Variants in DTNA observed in about 807,000 individuals in gnomAD.
DTNA encodes dystrophin-related protein 3.
DTNA carries 43 observed loss-of-function variants against 100.7 expected under a neutral mutation model. The ratio of observed to expected loss-of-function variants is 0.43; its 90% confidence interval spans 0.33 to 0.55. The LOEUF (loss-of-function observed/expected upper bound fraction) is 0.55, where lower values mean the gene tolerates loss of function less well. DTNA is among the 20% of genes least tolerant of loss of function. DTNA has a pLI of 0.04. For missense variants in DTNA, 798 were observed against 953.9 expected (o/e 0.84, Z 2.15); for synonymous variants, 349 against 347.9 (o/e 1.00, Z -0.04).
chr18:34,859,838 A>G (rs1011841615), intron 16 of DTNA, among the ~76,000 whole-genome samples: 1 of 151,916 alleles, frequency 6.6e-6, no homozygotes, highest in Non-Finnish European at 1.5e-5. Context: ...TTCTCCTACT[A>G]CTCCCACGCT....
chr18:34,829,290 T>G, intron 10 of DTNA, 110 bp from the exon 11 acceptor site: 1 of 1,521,118 alleles, frequency 6.6e-7, no homozygotes, highest in East Asian at 2.5e-5. Flanking sequence ...GTTTCTGTTT[T>G]GAGGGTGCTG....
At chr18:34,870,755 T>C (rs2096757453) in intron 17 of DTNA, among the ~76,000 whole-genome samples, 3 of 151,974 alleles carry the variant, frequency 2.0e-5, no homozygotes, top group Admixed American at 6.6e-5. Context: ...ACAATACGTG[T>C]CACATTTCCC....
Position 34,875,143 on chromosome 18 carries a change from T to C in DTNA, c.1744-96T>C, listed in dbSNP as rs1395393305. 71 of 1,535,714 alleles carry C rather than the reference T, an allele frequency of 4.6e-5. No individual in the cohort carries two copies. The Admixed American group carries it at 1.3e-3, about 28-fold the overall frequency. On this transcript the variant is annotated intron_variant, in intron 17 of 22. Transcript: ENST00000444659. ...TAGGATTTCCTCCTGCTTTGAAATT[T>C]CATTGTCACTGTTTTCAACAATCAA...
At chr18:34,614,871 G>A (rs1176390801) in intron 1 of DTNA, among the ~76,000 whole-genome samples, 1 of 152,220 alleles carries the variant, frequency 6.6e-6, no homozygotes, top group Non-Finnish European at 1.5e-5. Flanking sequence ...GACAGGGTTT[G>A]AGAGGATTCG....
chr18:34,841,817 G>C (rs1023052295), intron 13 of DTNA, among the ~76,000 whole-genome samples: 4 of 152,030 alleles, frequency 2.6e-5, no homozygotes, highest in Admixed American at 2.6e-4. Flanking sequence ...CCATTATTCA[G>C]ACCTAATCCT....
chr18:34,877,673 A>G (rs1343694334), intron 18 of DTNA, 46 bp from the exon 19 acceptor site: 2 of 1,547,162 alleles, frequency 1.3e-6, no homozygotes, highest in African/African-American at 1.4e-5. Context: ...AAAATTTAGG[A>G]TAGAAGGAAG....
At chr18:34,678,753 A>G (rs1229805344) in intron 1 of DTNA, among the ~76,000 whole-genome samples, 1 of 152,136 alleles carries the variant, frequency 6.6e-6, no homozygotes, top group Non-Finnish European at 1.5e-5. Flanking sequence ...TGGGGCGGGC[A>G]GTCTAGAGCT....
At chr18:34,792,208 A>C (rs1351972292) in intron 3 of DTNA, among the ~76,000 whole-genome samples, 2 of 152,116 alleles carry the variant, frequency 1.3e-5, no homozygotes, top group African/African-American at 4.8e-5. Flanking sequence ...CTTTATGCCT[A>C]ATTTGAAAAT....
intron 13 of DTNA, among the ~76,000 whole-genome samples, chr18:34,846,591 C>G (rs1721084687): frequency 6.6e-6 from 1 of 151,866 alleles, no homozygotes; most frequent in African/African-American, 2.4e-5. Flanking sequence ...ATTAAAACAG[C>G]TATAGCTTAT....
At chr18:34,727,030 G>T (rs1346638422) in intron 1 of DTNA, among the ~76,000 whole-genome samples, 1 of 152,228 alleles carries the variant, frequency 6.6e-6, no homozygotes, top group Non-Finnish European at 1.5e-5. Flanking sequence ...TGTGCCTGCA[G>T]GCTCAACACA....
At chr18:34,834,443 C>T (rs1027402392) in intron 11 of DTNA, among the ~76,000 whole-genome samples, 8 of 151,606 alleles carry the variant, frequency 5.3e-5, no homozygotes. Context: ...GCGGAGGTTG[C>T]AGTGAGCCAA....
intron 1 of DTNA, among the ~76,000 whole-genome samples, chr18:34,575,084 T>G (rs1055032217): frequency 2.0e-5 from 3 of 152,242 alleles, no homozygotes; most frequent in Non-Finnish European, 4.4e-5. Context: ...GCTGATATTG[T>G]ATCTGCTGTG....
At chr18:34,580,455 A>G (rs982493487) in intron 1 of DTNA, among the ~76,000 whole-genome samples, 2 of 151,998 alleles carry the variant, frequency 1.3e-5, no homozygotes, top group African/African-American at 2.4e-5. Flanking sequence ...CCTTTTCTCT[A>G]TTTGGCTGTG....
Position 34,888,299 on chromosome 18 carries a change from C to T in DTNA, c.*565C>T. The T allele has an allele frequency of 1.0e-6, 1 of 985,794 alleles. No individual in the cohort carries two copies. Among genetic ancestry groups the T allele is most frequent in the Non-Finnish European group, 1.2e-6 (1 of 829,930 alleles). The allele number at this position is 985,794 out of a possible 1,614,324, so 61.1% of individuals were successfully genotyped here. A position where few individuals can be genotyped will look rare whatever the true frequency, so the allele number is the denominator to read the frequency against. On this transcript the variant is annotated 3_prime_UTR_variant, in exon 23 of 23. Coordinates refer to ENST00000444659, the MANE Select transcript of DTNA (RefSeq NM_001386795.1). ...CACAGCAATTGGAAAAAAACAACCA[C>T]TTGCAATCATTCAATAACCCTGAAG...
intron 1 of DTNA, among the ~76,000 whole-genome samples, chr18:34,506,364 T>A (rs1568554025): frequency 6.6e-6 from 1 of 152,084 alleles, no homozygotes; most frequent in Non-Finnish European, 1.5e-5. Flanking sequence ...GGGTCTTTAT[T>A]ACCACTGGTG....
At chr18:34,623,191 G>C (rs1461332342) in intron 1 of DTNA, among the ~76,000 whole-genome samples, 2 of 152,112 alleles carry the variant, frequency 1.3e-5, no homozygotes, top group African/African-American at 4.8e-5. Context: ...ATAGGGTCAA[G>C]GGCCAAAAAA....
intron 1 of DTNA, among the ~76,000 whole-genome samples, chr18:34,583,441 C>A (rs2048826665): frequency 6.6e-6 from 1 of 152,056 alleles, no homozygotes; most frequent in African/African-American, 2.4e-5. Context: ...CAGAGAATTA[C>A]AATTAAAATG....
intron 3 of DTNA, among the ~76,000 whole-genome samples, chr18:34,790,549 C>CTATATATATA (rs67141918): frequency 1.1e-4 from 11 of 96,192 alleles, no homozygotes; most frequent in African/African-American, 4.7e-4. Context: ...AAGCAGCATA[C>CTATATATATA]TATATATATA....
intron 1 of DTNA, among the ~76,000 whole-genome samples, chr18:34,725,544 T>A (rs768648681): frequency 3.8e-4 from 58 of 152,194 alleles, no homozygotes; most frequent in Non-Finnish European, 4.0e-4. Context: ...AAAACCACAA[T>A]ACGATACTAT....
Sources: gnomAD v4.1 joint callset for allele counts (sites outside exome capture counted in the v4.1 genomes callset) on GRCh38, gnomAD v4.1.1 for gene constraint, MANE v1.5 for transcripts, NCBI Gene and HGNC (gene_info 2026-07-23, HGNC 2026-07-21) for gene names.